DGCR2: variants seen among roughly 807,000 people sequenced by gnomAD.
The protein encoded by DGCR2 is integral membrane protein DGCR2/IDD.
A neutral mutation model predicts 51.6 loss-of-function variants in DGCR2; 24 were observed. The observed-to-expected ratio is 0.47, with a 90% CI of 0.34 to 0.65. The LOEUF is 0.65. Among genes scored for constraint, DGCR2 ranks in the 30% least tolerant of loss-of-function variants. DGCR2 has a pLI of 0.01. For missense variants in DGCR2, 765 were observed against 772.1 expected (o/e 0.99, Z 0.11); for synonymous variants, 340 against 315.4 (o/e 1.08, Z -0.82).
At chr22:19,056,398 C>G (rs889815382) in intron 6 of DGCR2, 9 of 447,644 alleles carry the variant, frequency 2.0e-5, no homozygotes, top group Non-Finnish European at 2.9e-5. Flanking sequence ...TCCGCAAGAA[C>G]AAAGCCTCTC....
chr22:19,059,642 C>T (rs1343800276), intron 5 of DGCR2, among the ~76,000 whole-genome samples: 2 of 152,214 alleles, frequency 1.3e-5, no homozygotes, highest in South Asian at 4.2e-4. Flanking sequence ...CAGTCCTCAC[C>T]TCGACAGGGT....
At chr22:19,115,697 G>A (rs988801176) in intron 1 of DGCR2, among the ~76,000 whole-genome samples, 1 of 152,216 alleles carries the variant, frequency 6.6e-6, no homozygotes, top group African/African-American at 2.4e-5. Context: ...AGAGCAAAAC[G>A]TGTATGAACA....
intron 5 of DGCR2, 33 bp downstream of exon 5, chr22:19,063,169 C>G: frequency 6.2e-7 from 1 of 1,605,608 alleles, no homozygotes. Context: ...CTCTGCCCAG[C>G]TTCAAACACT....
At chr22:19,049,354 G>A (rs1189852802) in intron 6 of DGCR2, among the ~76,000 whole-genome samples, 2 of 152,212 alleles carry the variant, frequency 1.3e-5, no homozygotes, top group African/African-American at 2.4e-5. Flanking sequence ...TCAACTGGTA[G>A]GCAGACGTTG....
intron 2 of DGCR2, among the ~76,000 whole-genome samples, chr22:19,081,964 G>GTTCTTT (rs2082940762): frequency 6.6e-6 from 1 of 152,024 alleles, no homozygotes; most frequent in African/African-American, 2.4e-5. Flanking sequence ...CACTGAATTA[G>GTTCTTT]AATCCTTATC....
At chr22:19,099,970 T>TAA (rs66745825) in intron 1 of DGCR2, among the ~76,000 whole-genome samples, 3,942 of 140,858 alleles carry the variant, frequency 0.028, 107 homozygotes, top group East Asian at 0.064. Flanking sequence ...ATTCTGTCTT[T>TAA]AAAAAAAAAA....
At chr22:19,039,361 G>A (rs1230830739) in intron 9 of DGCR2, among the ~76,000 whole-genome samples, 1 of 152,148 alleles carries the variant, frequency 6.6e-6, no homozygotes, top group Non-Finnish European at 1.5e-5. Context: ...CAAGGTGCAG[G>A]GCCCATCTCA....
rs199691686 is a variant in DGCR2 at position 19,044,259 on chromosome 22, G to A, written c.1007-2300C>T. On this transcript the variant is annotated intron_variant, in intron 7 of 9. Transcript: ENST00000263196. ...AGAGGCCAGCCCAGGGGCCCCAGAG[G>A]CCCCTTGATAGGGCTGATCTCTCCA... 1.2e-3 allele frequency among the ~76,000 whole-genome samples: 190 copies of A among 152,314 alleles called. 3 individuals are homozygous for A. The East Asian group carries it at 0.031, about 25-fold the overall frequency.
At chr22:19,073,046 C>G (rs1014767692) in intron 2 of DGCR2, among the ~76,000 whole-genome samples, 7 of 151,996 alleles carry the variant, frequency 4.6e-5, no homozygotes, top group African/African-American at 1.7e-4. Context: ...TGCTTGAGGC[C>G]AGGAGTTGGA....
Position 19,038,800 on chromosome 22 carries a change from C to A in DGCR2, c.*65G>T. The A allele has an allele frequency of 6.4e-7, 1 of 1,572,330 alleles. No homozygotes were observed. On this transcript the variant is annotated 3_prime_UTR_variant, in exon 10 of 10. Coordinates refer to ENST00000263196, the MANE Select transcript of DGCR2 (RefSeq NM_005137.3). ...TGGGACAGGGGCCTTTCAAGTCTCC[C>A]CAGGGACCGGTGTTTTCTACAACAG...
chr22:19,074,329 G>A (rs2082849958), intron 2 of DGCR2, among the ~76,000 whole-genome samples: 1 of 151,718 alleles, frequency 6.6e-6, no homozygotes, highest in South Asian at 2.1e-4. Context: ...AGGAGGCTGA[G>A]GCAGAAGAAT....
At chr22:19,094,483 A>C (rs1167847483) in intron 1 of DGCR2, among the ~76,000 whole-genome samples, 1 of 152,258 alleles carries the variant, frequency 6.6e-6, no homozygotes, top group Non-Finnish European at 1.5e-5. Context: ...GAATGGCTAA[A>C]ATGAAAAAGA....
At chr22:19,063,513 ATT>A (rs35934680) in intron 4 of DGCR2, among the ~76,000 whole-genome samples, 15 of 132,922 alleles carry the variant, frequency 1.1e-4, no homozygotes, top group Admixed American at 1.5e-4. Flanking sequence ...TAATTTTTGT[ATT>A]TTTTTTTTTT....
At position 19,089,505 on chromosome 22, in the gene DGCR2, G is replaced by C; in HGVS notation, c.80-15C>G. 1 of 1,544,032 alleles carries C rather than the reference G, an allele frequency of 6.5e-7. No homozygotes were observed. ...GCACCGCAGCTCTGTGGGACCAAAG[G>C]GTGAGAGGCCATTGAGGAAGTGGCA... On this transcript the variant is annotated splice_polypyrimidine_tract_variant and intron_variant, in intron 1 of 9. Transcript: ENST00000263196.
intron 5 of DGCR2, among the ~76,000 whole-genome samples, chr22:19,062,240 AG>A (rs1203260607): frequency 6.6e-6 from 1 of 152,212 alleles, no homozygotes; most frequent in Non-Finnish European, 1.5e-5. Flanking sequence ...TCATGAGAAC[AG>A]GGTGGCATCT....
At chr22:19,073,017 G>A (rs545247305) in intron 2 of DGCR2, among the ~76,000 whole-genome samples, 1 of 152,314 alleles carries the variant, frequency 6.6e-6, no homozygotes, top group Admixed American at 6.5e-5. Context: ...AACACTTTGG[G>A]AGGCTGAGGC....
intron 2 of DGCR2, among the ~76,000 whole-genome samples, chr22:19,075,154 G>A (rs2082861064): frequency 6.7e-6 from 1 of 149,910 alleles, no homozygotes; most frequent in African/African-American, 2.5e-5. Flanking sequence ...TGGGCTGGGT[G>A]CAGTGGCTCA....
At chr22:19,045,134 A>G (rs1252279518) in intron 7 of DGCR2, 1 of 152,232 alleles carries the variant, frequency 6.6e-6, no homozygotes, top group Non-Finnish European at 1.5e-5. Context: ...TTTTACATAC[A>G]GTAGGAGGGA....
At chr22:19,089,072 G>C (rs1601264880) in intron 2 of DGCR2, among the ~76,000 whole-genome samples, 1 of 152,114 alleles carries the variant, frequency 6.6e-6, no homozygotes, top group South Asian at 2.1e-4. Flanking sequence ...CCTCAGGAGG[G>C]GTTCACACTC....
Sources: allele counts gnomAD v4.1 joint callset (sites outside exome capture counted in the v4.1 genomes callset), GRCh38; gene constraint gnomAD v4.1.1; transcripts MANE v1.5; gene names NCBI Gene and HGNC (gene_info 2026-07-23, HGNC 2026-07-21).